The following KATNAL2 variants were observed in gnomAD, a reference collection of about 807,000 sequenced individuals.
KATNAL2 encodes the protein katanin p60 ATPase-containing subunit A-like 2.
KATNAL2 carries 52 observed loss-of-function variants against 76.3 expected under a neutral mutation model. The observed-to-expected ratio is 0.68, with a 90% CI of 0.55 to 0.86. The LOEUF (loss-of-function observed/expected upper bound fraction) is 0.86, where lower values mean the gene tolerates loss of function less well. Among genes scored for constraint, KATNAL2 ranks in the 40% least tolerant of loss-of-function variants. KATNAL2 has a pLI of 0.00. For synonymous variants in KATNAL2, 243 were observed against 244.2 expected, an observed-to-expected ratio of 1.00 and a Z score of 0.05; for missense variants, 660 against 668.9, an observed-to-expected ratio of 0.99 and a Z score of 0.15.
At chr18:47,078,460 T>C (rs2062348300) in intron 15 of KATNAL2, among the ~76,000 whole-genome samples, 1 of 152,202 alleles carries the variant, frequency 6.6e-6, no homozygotes, top group African/African-American at 2.4e-5. Context: ...ATTTTACAAT[T>C]TGAAGATATA....
chr18:47,093,399 T>TC (rs1383584624), intron 15 of KATNAL2, among the ~76,000 whole-genome samples: 2 of 146,380 alleles, frequency 1.4e-5, no homozygotes, highest in African/African-American at 5.2e-5. Context: ...GTTTTCTCTG[T>TC]CCTTTTTTTT....
At chr18:47,097,348 A>G (rs2063292564) in intron 15 of KATNAL2, among the ~76,000 whole-genome samples, 2 of 152,202 alleles carry the variant, frequency 1.3e-5, no homozygotes, top group Admixed American at 1.3e-4. Context: ...GGAGAGTTCC[A>G]TGGCCACCAG....
chr18:47,031,318 A>G (rs749688966), intron 3 of KATNAL2, among the ~76,000 whole-genome samples: 9 of 151,704 alleles, frequency 5.9e-5, no homozygotes, highest in Non-Finnish European at 1.0e-4. Flanking sequence ...AGGAAAACAG[A>G]TCCATTTGAA....
chr18:46,960,643 T>C (rs2059910217), intron 3 of KATNAL2, among the ~76,000 whole-genome samples: 2 of 152,114 alleles, frequency 1.3e-5, no homozygotes, highest in Non-Finnish European at 2.9e-5. Flanking sequence ...TTTAGAGACA[T>C]TTGCATTATG....
intron 3 of KATNAL2, among the ~76,000 whole-genome samples, chr18:47,043,133 A>G (rs1163729972): frequency 6.6e-6 from 1 of 151,166 alleles, no homozygotes; most frequent in Non-Finnish European, 1.5e-5. Flanking sequence ...AGGCTGAGGC[A>G]GGTGAATGGC....
Position 46,946,865 on chromosome 18 carries a change from A to G in KATNAL2, c.-8A>G, listed in dbSNP as rs542308583. The G allele has an allele frequency of 7.2e-6, 11 of 1,535,880 alleles. No homozygotes were observed. In the Admixed American group the frequency reaches 9.8e-5, roughly 14 times the overall value. On this transcript the variant is annotated 5_prime_UTR_variant, in exon 3 of 18. Transcript: ENST00000683218. ...TCTCCCTTCTCTAGGGTCCTAGCAC[A>G]GTGTCTGATGGAGCTTTCCTACCAG...
At chr18:47,090,472 C>T (rs2062951538) in intron 15 of KATNAL2, among the ~76,000 whole-genome samples, 2 of 152,080 alleles carry the variant, frequency 1.3e-5, no homozygotes, top group South Asian at 2.1e-4. Flanking sequence ...GGGGAATCCA[C>T]ATCATATGGT....
chr18:47,035,723 AT>A (rs962181859), intron 3 of KATNAL2: 10 of 220,842 alleles, frequency 4.5e-5, no homozygotes, highest in Non-Finnish European at 9.7e-5. Context: ...CCAGAGGTTG[AT>A]TAGGTTAATT....
chr18:46,930,558 A>G (rs946084591), intron 1 of KATNAL2, among the ~76,000 whole-genome samples: 12 of 152,142 alleles, frequency 7.9e-5, no homozygotes, highest in South Asian at 2.1e-4. Context: ...GCTCACACCT[A>G]TAATCCCAGC....
chr18:47,042,843 A>T (rs1758142023), intron 3 of KATNAL2, among the ~76,000 whole-genome samples: 1 of 152,236 alleles, frequency 6.6e-6, no homozygotes, highest in African/African-American at 2.4e-5. Flanking sequence ...AAATGAGAAC[A>T]TGAGAATTTC....
chr18:47,066,739 T>G (rs2061804835), intron 10 of KATNAL2, among the ~76,000 whole-genome samples: 1 of 150,820 alleles, frequency 6.6e-6, no homozygotes, highest in Admixed American at 6.6e-5. Context: ...TTTTTCTCTC[T>G]GAAAAATACC....
chr18:46,949,657 A>G (rs2059491720), intron 3 of KATNAL2, among the ~76,000 whole-genome samples: 1 of 152,174 alleles, frequency 6.6e-6, no homozygotes, highest in Admixed American at 6.6e-5. Flanking sequence ...TCAAATCGTA[A>G]TTCTGGGGGT....
intron 1 of KATNAL2, among the ~76,000 whole-genome samples, chr18:46,931,139 T>TAATAATAAAAAA (rs1555824545): frequency 1.7e-4 from 21 of 122,790 alleles, no homozygotes; most frequent in East Asian, 2.6e-4. Context: ...ATAATAATAA[T>TAATAATAAAAAA]AAATAAATAA....
intron 15 of KATNAL2, among the ~76,000 whole-genome samples, chr18:47,096,779 G>A (rs2063260488): frequency 6.6e-6 from 1 of 152,122 alleles, no homozygotes; most frequent in African/African-American, 2.4e-5. Flanking sequence ...AGCTGATGAG[G>A]GAAAGCTCTG....
chr18:47,037,861 T>TA lies in KATNAL2; in HGVS notation c.52-8596_52-8595insA, dbSNP rs569924199. Among the ~76,000 whole-genome samples the TA allele has an allele frequency of 1.4e-3, 206 of 151,934 alleles. 1 individual carries two copies. The highest frequency in any genetic ancestry group is 2.4e-3 in the Non-Finnish European group (160 of 67,926). ...ATAGTAGGAAAGCCATTTTTTTTTT[T>TA]TTATTAGAGATGGGAGTCTCCCTAT... is the stretch of plus-strand genomic sequence containing the variant. On this transcript the variant is annotated intron_variant, in intron 3 of 17. Coordinates refer to ENST00000683218, the MANE Select transcript of KATNAL2 (RefSeq NM_001387690.1).
At position 47,094,275 on chromosome 18, in the gene KATNAL2, C is replaced by T. The variant is rs559900899; in HGVS notation, c.1212-4968C>T. 3.2e-4 allele frequency among the ~76,000 whole-genome samples: 48 copies of T among 152,252 alleles called. No homozygotes were observed. In the South Asian group the frequency reaches 4.1e-3, roughly 13 times the overall value. Reference sequence around the variant, plus strand: ...CTTGGTCTCCCACCCTCCAAAATGACAATTATGAAATTTCTGTTCTTGATA... The same window carrying T: ...CTTGGTCTCCCACCCTCCAAAATGATAATTATGAAATTTCTGTTCTTGATA... On this transcript the variant is annotated intron_variant, in intron 15 of 17. Transcript: ENST00000683218.
chr18:46,960,737 C>G (rs1016631732), intron 3 of KATNAL2, among the ~76,000 whole-genome samples: 6 of 152,160 alleles, frequency 3.9e-5, no homozygotes, highest in African/African-American at 1.4e-4. Context: ...GTAAGCAAAG[C>G]CAGGCACAGC....
At chr18:47,084,471 T>C in intron 15 of KATNAL2, 1 of 697,128 alleles carries the variant, frequency 1.4e-6, no homozygotes, top group Non-Finnish European at 2.6e-6. Flanking sequence ...AAAAATGAGA[T>C]CTAGTGGCCT....
Position 46,917,887 on chromosome 18 carries a change from C to T in KATNAL2, c.-549C>T, listed in dbSNP as rs993508246. The T allele has an allele frequency of 2.0e-5, 3 of 152,268 alleles. No homozygotes were observed. Among genetic ancestry groups the T allele is most frequent in the African/African-American group, 7.2e-5 (3 of 41,450 alleles). The allele number at this position is 152,268 out of a possible 1,614,324, so 9.4% of individuals were successfully genotyped here. A position where few individuals can be genotyped will look rare whatever the true frequency, so the allele number is the denominator to read the frequency against. ...AGCCGCCGCAAATAAAACCATCCCC[C>T]AGAGTAGTTGTGGCGGAATAATCTA... On this transcript the variant is annotated 5_prime_UTR_variant, in exon 1 of 18. Transcript: ENST00000683218.
Sources: allele counts gnomAD v4.1 joint callset (sites outside exome capture counted in the v4.1 genomes callset), GRCh38; gene constraint gnomAD v4.1.1; transcripts MANE v1.5; gene names NCBI Gene and HGNC (gene_info 2026-07-23, HGNC 2026-07-21).